TMEM232: variants seen among roughly 807,000 people sequenced by gnomAD.
The protein encoded by TMEM232 is transmembrane protein 232.
TMEM232 carries 80 observed loss-of-function variants against 78.8 expected under a neutral mutation model. That is an observed-to-expected ratio of 1.01 (90% CI 0.85 to 1.22). The LOEUF (loss-of-function observed/expected upper bound fraction) is 1.22. TMEM232 is among the 50% of genes most tolerant of loss of function. TMEM232 has a pLI of 0.00. For synonymous variants in TMEM232, 297 were observed against 254.3 expected, an observed-to-expected ratio of 1.17 and a Z score of -1.60; for missense variants, 881 against 742.2, an observed-to-expected ratio of 1.19 and a Z score of -2.17.
intron 11 of TMEM232, among the ~76,000 whole-genome samples, chr5:110,536,416 G>C (rs1021945747): frequency 3.9e-5 from 6 of 152,244 alleles, no homozygotes; most frequent in Non-Finnish European, 7.3e-5. Flanking sequence ...GCCTTGCCTG[G>C]AAGGAGGATG....
At chr5:110,477,292 T>C (rs757261021) in intron 12 of TMEM232, among the ~76,000 whole-genome samples, 18 of 151,938 alleles carry the variant, frequency 1.2e-4, no homozygotes, top group Non-Finnish European at 2.1e-4. Flanking sequence ...TCTTTAACCA[T>C]GGATCTTTTT....
chr5:110,523,289 C>G (rs1012174644), intron 12 of TMEM232, among the ~76,000 whole-genome samples: 3 of 151,984 alleles, frequency 2.0e-5, no homozygotes, highest in African/African-American at 7.3e-5. Context: ...TCTTCTCTCC[C>G]TTTTCTTAGA....
At chr5:110,387,589 T>C (rs1755037660) in intron 5 of TMEM232, among the ~76,000 whole-genome samples, 1 of 152,232 alleles carries the variant, frequency 6.6e-6, no homozygotes, top group Non-Finnish European at 1.5e-5. Flanking sequence ...TCAATGGTGA[T>C]TTTATTTATC....
chr5:110,562,483 A>G (rs1775865194), intron 11 of TMEM232, among the ~76,000 whole-genome samples: 2 of 152,246 alleles, frequency 1.3e-5, no homozygotes, highest in South Asian at 2.1e-4. Flanking sequence ...CTTGAAGAGA[A>G]CAATAATACA....
intron 12 of TMEM232, among the ~76,000 whole-genome samples, chr5:110,520,054 G>T (rs552668727): frequency 0.015 from 2,130 of 145,254 alleles, 33 homozygotes; most frequent in African/African-American, 0.039. Flanking sequence ...TATATATAGA[G>T]AGAGAGAGAG....
rs13177509 is a variant in TMEM232 at position 110,448,453 on chromosome 5, A to C, written c.1704-23537T>G. Among the ~76,000 whole-genome samples the C allele has an allele frequency of 6.2e-3, 951 of 152,202 alleles. 3 individuals are homozygous for C. Among genetic ancestry groups the C allele is most frequent in the Non-Finnish European group, 0.011 (721 of 67,920 alleles). ...CGTTCTAGAAACTAACACCTAGCCAATAGTTCTACAAAGACTAGCAGTGAA... is the reference window on the plus strand; with the variant it reads ...CGTTCTAGAAACTAACACCTAGCCACTAGTTCTACAAAGACTAGCAGTGAA... On this transcript the variant is annotated intron_variant, in intron 12 of 13. Coordinates refer to ENST00000455884, the MANE Select transcript of TMEM232 (RefSeq NM_001039763.4).
intron 2 of TMEM232, among the ~76,000 whole-genome samples, chr5:110,646,190 T>C (rs974087394): frequency 6.6e-6 from 1 of 151,754 alleles, no homozygotes; most frequent in Non-Finnish European, 1.5e-5. Context: ...TCAATTCAAT[T>C]GCTATCAAAT....
intron 12 of TMEM232, among the ~76,000 whole-genome samples, chr5:110,441,758 TA>T (rs1055332691): frequency 6.6e-6 from 1 of 152,194 alleles, no homozygotes; most frequent in African/African-American, 2.4e-5. Flanking sequence ...AGAGAGGTGC[TA>T]AGGTTCTCAG....
chr5:110,470,111 C>T (rs1294740847), intron 12 of TMEM232, among the ~76,000 whole-genome samples: 1 of 152,120 alleles, frequency 6.6e-6, no homozygotes, highest in Non-Finnish European at 1.5e-5. Context: ...CACAGTGCCT[C>T]ATCCCCTGAG....
At chr5:110,641,581 A>T (rs537745764) in intron 3 of TMEM232, among the ~76,000 whole-genome samples, 1 of 152,070 alleles carries the variant, frequency 6.6e-6, no homozygotes, top group Non-Finnish European at 1.5e-5. Flanking sequence ...TTCTAATCAA[A>T]TTTTTTTCAA....
At chr5:110,476,514 T>G (rs761447226) in intron 12 of TMEM232, among the ~76,000 whole-genome samples, 2 of 152,054 alleles carry the variant, frequency 1.3e-5, no homozygotes, top group Admixed American at 6.6e-5. Context: ...TTTGTTATGG[T>G]ATCCCTAGCC....
At chr5:110,711,224 G>A (rs536626320) in intron 1 of TMEM232, among the ~76,000 whole-genome samples, 1 of 152,088 alleles carries the variant, frequency 6.6e-6, no homozygotes, top group South Asian at 2.1e-4. Context: ...TCTCTCTAAT[G>A]AAAATTACAA....
chr5:110,696,981 C>T (rs1794868079), intron 1 of TMEM232, among the ~76,000 whole-genome samples: 1 of 152,134 alleles, frequency 6.6e-6, no homozygotes, highest in African/African-American at 2.4e-5. Context: ...AAAGAGCCCG[C>T]ATTGCCAAGT....
intron 11 of TMEM232, among the ~76,000 whole-genome samples, chr5:110,537,605 T>G (rs1343296798): frequency 6.6e-6 from 1 of 152,180 alleles, no homozygotes. Flanking sequence ...TACAGCCCCT[T>G]GCCAAGTGCT....
intron 10 of TMEM232, among the ~76,000 whole-genome samples, chr5:110,603,556 G>A (rs958025000): frequency 2.6e-5 from 4 of 152,262 alleles, no homozygotes; most frequent in Admixed American, 2.6e-4. Context: ...AGATGAGTCT[G>A]TTTAGTGGTG....
intron 8 of TMEM232, among the ~76,000 whole-genome samples, chr5:110,607,328 T>C (rs1222466404): frequency 1.3e-5 from 2 of 152,020 alleles, no homozygotes; most frequent in African/African-American, 4.8e-5. Context: ...ACTCAAGTTT[T>C]CTCCCACCAA....
intron 11 of TMEM232, among the ~76,000 whole-genome samples, chr5:110,563,653 G>T (rs527673821): frequency 2.0e-5 from 3 of 151,764 alleles, no homozygotes; most frequent in Non-Finnish European, 2.9e-5. Flanking sequence ...TAGTAATAAG[G>T]TTCATAGAGT....
chr5:110,495,921 A>C (rs1231982967), intron 12 of TMEM232, among the ~76,000 whole-genome samples: 1 of 151,778 alleles, frequency 6.6e-6, no homozygotes, highest in Admixed American at 6.6e-5. Context: ...AGTAAAGAAG[A>C]ACCATTCATA....
At chr5:110,568,395 C>G in intron 11 of TMEM232, 52 bp downstream of exon 11, 1 of 1,434,484 alleles carries the variant, frequency 7.0e-7, no homozygotes, top group Non-Finnish European at 9.3e-7. Context: ...AAATGACAAC[C>G]GTGCTTCCTA....
Sources: gnomAD v4.1 joint callset for allele counts (sites outside exome capture counted in the v4.1 genomes callset) on GRCh38, gnomAD v4.1.1 for gene constraint, MANE v1.5 for transcripts, NCBI Gene and HGNC (gene_info 2026-07-23, HGNC 2026-07-21) for gene names.